SCD5: variants seen among roughly 807,000 people sequenced by gnomAD.
SCD5 encodes the protein stearoyl-CoA desaturase 5.
In SCD5, 20 loss-of-function variants were observed where a neutral mutation model predicts 30.4. The observed-to-expected ratio is 0.66, with a 90% CI of 0.46 to 0.96. The LOEUF is 0.96. SCD5 is among the 40% of genes least tolerant of loss of function. The pLI is 0.00. For synonymous variants in SCD5, 173 were observed against 176.4 expected, an observed-to-expected ratio of 0.98 and a Z score of 0.16; for missense variants, 381 against 443.3, an observed-to-expected ratio of 0.86 and a Z score of 1.26.
At chr4:82,706,742 G>A (rs1195240680) in intron 1 of SCD5, among the ~76,000 whole-genome samples, 1 of 152,254 alleles carries the variant, frequency 6.6e-6, no homozygotes, top group African/African-American at 2.4e-5. Context: ...CAATGAAGAT[G>A]CCCACAAGAG....
intron 1 of SCD5, among the ~76,000 whole-genome samples, chr4:82,709,615 G>C (rs1720038872): frequency 6.6e-6 from 1 of 152,200 alleles, no homozygotes; most frequent in African/African-American, 2.4e-5. Context: ...GGGACTCACA[G>C]ATGCAAAGCC....
chr4:82,699,570 G>GTTTTTTTTTTTT (rs59887380), intron 2 of SCD5, among the ~76,000 whole-genome samples: 1 of 141,164 alleles, frequency 7.1e-6, no homozygotes, highest in African/African-American at 2.6e-5. Flanking sequence ...TTTGTTTTTT[G>GTTTTTTTTTTTT]TTTTTTTTTT....
chr4:82,759,806 TACCTAAGGG>T (rs1233031154), intron 1 of SCD5, among the ~76,000 whole-genome samples: 2 of 152,160 alleles, frequency 1.3e-5, no homozygotes, highest in Non-Finnish European at 1.5e-5. Context: ...GATTATGAGT[TACCTAAGGG>T]CAAGAACCTT....
At chr4:82,720,473 G>C (rs1263766987) in intron 1 of SCD5, among the ~76,000 whole-genome samples, 2 of 118,798 alleles carry the variant, frequency 1.7e-5, no homozygotes, top group South Asian at 5.4e-4. Flanking sequence ...AGACAAAAGA[G>C]AAAGCAGCAT....
At chr4:82,702,630 A>C (rs1719876952) in intron 2 of SCD5, among the ~76,000 whole-genome samples, 1 of 152,220 alleles carries the variant, frequency 6.6e-6, no homozygotes, top group South Asian at 2.1e-4. Flanking sequence ...TGCTGATCCC[A>C]AACAGAGACA....
At chr4:82,685,044 A>C (rs1728670956) in intron 2 of SCD5, among the ~76,000 whole-genome samples, 1 of 152,268 alleles carries the variant, frequency 6.6e-6, no homozygotes, top group Admixed American at 6.5e-5. Flanking sequence ...CTTAGAGTTT[A>C]TACTGAATTG....
intron 3 of SCD5, among the ~76,000 whole-genome samples, chr4:82,678,968 G>A (rs1000737914): frequency 5.3e-5 from 8 of 151,918 alleles, no homozygotes; most frequent in Non-Finnish European, 7.4e-5. Flanking sequence ...TTGGGAGGCC[G>A]AGGAGGATCA....
intron 1 of SCD5, among the ~76,000 whole-genome samples, chr4:82,795,294 C>G (rs1190275970): frequency 6.6e-6 from 1 of 152,166 alleles, no homozygotes; most frequent in Non-Finnish European, 1.5e-5. Context: ...AAGTCAGGTC[C>G]TTGAAGTGCA....
At chr4:82,633,713 T>G (rs1380806729) in intron 4 of SCD5, among the ~76,000 whole-genome samples, 1 of 152,260 alleles carries the variant, frequency 6.6e-6, no homozygotes, top group Non-Finnish European at 1.5e-5. Context: ...TGGTTTTAAT[T>G]TGCATTTCTC....
intron 1 of SCD5, among the ~76,000 whole-genome samples, chr4:82,795,809 C>CAAAAAAAAAAAAAAAA (rs72115040): frequency 2.3e-5 from 1 of 43,902 alleles, no homozygotes; most frequent in African/African-American, 8.8e-5. Context: ...CCCTGTCTCA[C>CAAAAAAAAAAAAAAAA]AAAAAAAAAA....
At chr4:82,736,225 T>C (rs1200581431) in intron 1 of SCD5, among the ~76,000 whole-genome samples, 1 of 150,522 alleles carries the variant, frequency 6.6e-6, no homozygotes, top group East Asian at 2.0e-4. Context: ...GAGGCAGGAG[T>C]TGCAGTGAGA....
intron 2 of SCD5, 92 bp downstream of exon 2, chr4:82,705,191 A>C: frequency 6.7e-7 from 1 of 1,495,164 alleles, no homozygotes; most frequent in South Asian, 1.2e-5. Context: ...AGTCTAGGAC[A>C]GGGGTGGAGG....
intron 1 of SCD5, among the ~76,000 whole-genome samples, chr4:82,783,463 T>C (rs965376485): frequency 4.6e-5 from 7 of 152,164 alleles, no homozygotes; most frequent in African/African-American, 1.7e-4. Flanking sequence ...GTAGAGAATA[T>C]CAAAAGTAAA....
chr4:82,731,705 G>A (rs1720646515), intron 1 of SCD5, among the ~76,000 whole-genome samples: 1 of 152,152 alleles, frequency 6.6e-6, no homozygotes, highest in Non-Finnish European at 1.5e-5. Flanking sequence ...TAGAGTTTAG[G>A]GCCCTGGATG....
At chr4:82,768,801 C>T (rs1298789875) in intron 1 of SCD5, among the ~76,000 whole-genome samples, 2 of 151,960 alleles carry the variant, frequency 1.3e-5, no homozygotes, top group African/African-American at 2.4e-5. Flanking sequence ...GCCTCTTGTC[C>T]CCCAGAGCAT....
chr4:82,641,253 CAAAAAAAA>C (rs10708492), intron 3 of SCD5, among the ~76,000 whole-genome samples: 6 of 52,218 alleles, frequency 1.1e-4, no homozygotes, highest in Admixed American at 1.1e-3. Context: ...AACTCCATCT[CAAAAAAAA>C]AAAAAAAAAA....
intron 1 of SCD5, among the ~76,000 whole-genome samples, chr4:82,733,671 T>C (rs1191506497): frequency 6.6e-6 from 1 of 152,118 alleles, no homozygotes; most frequent in Non-Finnish European, 1.5e-5. Flanking sequence ...TAACAATTTC[T>C]CCAGTAAAAA....
intron 3 of SCD5, among the ~76,000 whole-genome samples, chr4:82,644,330 G>A (rs977621927): frequency 1.3e-5 from 2 of 152,122 alleles, no homozygotes; most frequent in Admixed American, 6.6e-5. Context: ...TCTTCCACAT[G>A]TATTGATCCC....
At chr4:82,653,804 G>A (rs10019368) in intron 3 of SCD5, among the ~76,000 whole-genome samples, 1 of 151,796 alleles carries the variant, frequency 6.6e-6, no homozygotes, top group African/African-American at 2.4e-5. Context: ...TTGATAGTTA[G>A]GACATCTGAG....
Sources: gnomAD v4.1 joint callset for allele counts (sites outside exome capture counted in the v4.1 genomes callset) on GRCh38, gnomAD v4.1.1 for gene constraint, MANE v1.5 for transcripts, NCBI Gene and HGNC (gene_info 2026-07-23, HGNC 2026-07-21) for gene names.